Variants in KIFC1 observed in about 807,000 individuals in gnomAD.
KIFC1 encodes the protein kinesin-like protein KIFC1.
Under a neutral mutation model 66.6 loss-of-function variants are expected in KIFC1, and 37 were observed. The observed-to-expected ratio is 0.56, with a 90% CI of 0.43 to 0.73. KIFC1 has a LOEUF of 0.73. Among genes scored for constraint, KIFC1 ranks in the 30% least tolerant of loss-of-function variants. KIFC1 has a pLI of 0.00. For missense variants in KIFC1, 721 were observed against 859.8 expected, an observed-to-expected ratio of 0.84 and a Z score of 2.02; for synonymous variants, 325 against 343.5, an observed-to-expected ratio of 0.95 and a Z score of 0.60.
intron 1 of KIFC1, among the ~76,000 whole-genome samples, chr6:33,395,950 C>T (rs1460994599): frequency 6.6e-6 from 1 of 152,080 alleles, no homozygotes; most frequent in Non-Finnish European, 1.5e-5. Context: ...AGTATTGCCC[C>T]ACTGATGAAC....
Position 33,405,887 on chromosome 6 carries a change from C to T in KIFC1, c.1536+256C>T, listed in dbSNP as rs368038205. 2.0e-5 allele frequency among the ~76,000 whole-genome samples: 3 copies of T among 152,234 alleles called. No individual in the cohort carries two copies. In the East Asian group the frequency reaches 5.8e-4, roughly 29 times the overall value. On this transcript the variant is annotated intron_variant, in intron 7 of 10. Coordinates refer to ENST00000428849, the MANE Select transcript of KIFC1 (RefSeq NM_002263.4). This position sits in a 1 kb window ranked among gnomAD's most constrained non-coding sequence, Gnocchi z 5.4. ...TGTCTCATCTTCTTGCTCAGCTCAT[C>T]CTAGCCATGCTGGCCTCCTGGCTGT...
At chr6:33,407,423 C>CA (rs1438280008) in intron 10 of KIFC1, among the ~76,000 whole-genome samples, 1 of 152,066 alleles carries the variant, frequency 6.6e-6, no homozygotes. Flanking sequence ...AACCAACACA[C>CA]AAAAAATCCC....
In KIFC1 at chr6:33,405,132, C is replaced by A. The variant is rs548622183; in HGVS notation, c.1037C>A (p.Thr346Asn). Residue 346 changes from threonine to asparagine, a missense_variant, in exon 7 of 11, where the codon ACC (threonine) becomes AAC (asparagine). Transcript: ENST00000428849. The surrounding 1 kb of genome is among the most constrained non-coding windows in gnomAD (Gnocchi z 5.4). ...CCTGGTGGGCCCTCTGATCCTCCAA[C>A]CCGCCTTAGCCTCTCCCGGTCTGAC... ...SGPGGPSDPP[T>N]RLSLSRSDER... The A allele has an allele frequency of 6.2e-7, 1 of 1,614,168 alleles. No individual in the cohort carries two copies. Among genetic ancestry groups the A allele is most frequent in the East Asian group, 2.2e-5 (1 of 44,876 alleles).
rs142126889 is a variant in KIFC1 at position 33,399,178 on chromosome 6, C to T, written c.250+791C>T. Among the ~76,000 whole-genome samples the T allele has an allele frequency of 5.1e-3, 769 of 152,090 alleles. 2 individuals carry two copies. Among genetic ancestry groups the T allele is most frequent in the Non-Finnish European group, 8.1e-3 (548 of 67,996 alleles). On this transcript the variant is annotated intron_variant, in intron 3 of 10. Coordinates refer to ENST00000428849, the MANE Select transcript of KIFC1 (RefSeq NM_002263.4). ...CAAGGTGTGTAGATTACCTGAGGTC[C>T]GGAGTTCCAGACCAGCCTGGCCAAT...
In KIFC1 at chr6:33,391,888, C is replaced by G; in HGVS notation, c.-98C>G. ...GCCGGAGCCGTGCGAGTTCTCTACC[C>G]TGCTTCGCGAGCGGGCGAGAGAACG... On this transcript the variant is annotated 5_prime_UTR_variant, in exon 1 of 11. Transcript: ENST00000428849. The G allele has an allele frequency of 1.3e-6, 2 of 1,484,288 alleles. No homozygotes were observed. The highest frequency in any genetic ancestry group is 1.2e-5 in the South Asian group (1 of 86,160). 91.9% of individuals were successfully genotyped at this position (1,484,288 alleles called of 1,614,324 possible).
intron 1 of KIFC1, among the ~76,000 whole-genome samples, chr6:33,394,961 TAAG>T (rs139995317): frequency 0.011 from 1,685 of 152,094 alleles, 19 homozygotes; most frequent in African/African-American, 0.02. Context: ...GCCAGTGAGG[TAAG>T]AAAGAGTGGT....
chr6:33,404,702 T>G lies in KIFC1; in HGVS notation c.757-150T>G. ...AGCACTCCCTGTCTTAGTACCATGA[T>G]TCCTTATTTTCTCATCTTTCTTTGT... is the stretch of plus-strand genomic sequence containing the variant. On this transcript the variant is annotated intron_variant, in intron 6 of 10. Transcript: ENST00000428849. The surrounding 1 kb of genome is among the most constrained non-coding windows in gnomAD (Gnocchi z 4.0). 1.5e-6 allele frequency: 1 copy of G among 684,696 alleles called. No homozygotes were observed. The highest frequency in any genetic ancestry group is 2.5e-6 in the Non-Finnish European group (1 of 404,698). 42.4% of individuals were successfully genotyped at this position (684,696 alleles called of 1,614,324 possible).
At position 33,409,773 on chromosome 6, in the gene KIFC1, G is replaced by C; in HGVS notation, c.*83G>C. On this transcript the variant is annotated 3_prime_UTR_variant, in exon 11 of 11. Transcript: ENST00000428849. ...TGTGTGTCCCTATGTCTATGTATCG[G>C]GTGAGGGGTGGGAGGGTTGCTGGAG... The C allele has an allele frequency of 7.1e-7, 1 of 1,415,116 alleles. No individual in the cohort carries two copies. The highest frequency in any genetic ancestry group is 9.8e-7 in the Non-Finnish European group (1 of 1,020,910). 87.7% of individuals were successfully genotyped at this position (1,415,116 alleles called of 1,614,324 possible). A position where few individuals can be genotyped will look rare whatever the true frequency, so the allele number is the denominator to read the frequency against.
rs897454649 is a variant in KIFC1 at position 33,406,003 on chromosome 6, T to C, written c.1537-193T>C. On this transcript the variant is annotated intron_variant, in intron 7 of 10. Transcript: ENST00000428849. The surrounding 1 kb of genome is among the most constrained non-coding windows in gnomAD (Gnocchi z 4.5). ...TTGGCTATCCTGTCAAAACTTGTGT[T>C]CCCCACCCCGCCTTTATACACTCCC... Among the ~76,000 whole-genome samples, 4 of 152,016 alleles carry C rather than the reference T, an allele frequency of 2.6e-5. No homozygotes were observed. The South Asian group carries it at 8.3e-4, about 32-fold the overall frequency.
In KIFC1 at chr6:33,398,377, C is replaced by T; in HGVS notation, c.240C>T (p.Gly80=). 6.2e-7 allele frequency: 1 copy of T among 1,613,244 alleles called. No individual in the cohort carries two copies. The highest frequency in any genetic ancestry group is 1.1e-5 in the South Asian group (1 of 91,064). ...PSLTTVPQTQ[G]QTTAQKVSKK... ...TCACTACAGTGCCACAGACACAAGGCCAGACCACAGGTGGGCTCTCAGGAT... is the reference window on the plus strand; with the variant it reads ...TCACTACAGTGCCACAGACACAAGGTCAGACCACAGGTGGGCTCTCAGGAT... The change falls in exon 3 of 11, where the codon GGC becomes GGT. Residue 80 remains glycine (G), a synonymous_variant. Coordinates refer to ENST00000428849, the MANE Select transcript of KIFC1 (RefSeq NM_002263.4).
chr6:33,407,067 T>G, intron 10 of KIFC1, 192 bp downstream of exon 10: 1 of 1,412,678 alleles, frequency 7.1e-7, no homozygotes, highest in Non-Finnish European at 9.2e-7. Flanking sequence ...AACGGGTGAT[T>G]AATTTAACCT....
chr6:33,403,963 C>T lies in KIFC1; in HGVS notation c.590C>T (p.Ala197Val). 6.2e-7 allele frequency: 1 copy of T among 1,614,214 alleles called. No homozygotes were observed. Among genetic ancestry groups the T allele is most frequent in the Non-Finnish European group, 8.5e-7 (1 of 1,180,034 alleles). The change falls in exon 6 of 11, where the codon GCC becomes GTC. Residue 197 changes from alanine (A) to valine (V), a missense_variant. By Grantham distance (64) the Ala-to-Val change is moderately conservative. Coordinates refer to ENST00000428849, the MANE Select transcript of KIFC1 (RefSeq NM_002263.4). This position sits in a 1 kb window ranked among gnomAD's most constrained non-coding sequence, Gnocchi z 4.6. ...TLEGHLAKVQ[A>V]QAEQGQQELK... The stretch of plus-strand genomic sequence containing the variant: ...GAGGGGCATTTAGCCAAGGTACAGG[C>T]CCAGGCTGAGCAGGGCCAACAGGAG...
Position 33,406,492 on chromosome 6 carries a change from A to G in KIFC1, c.1827+6A>G, listed in dbSNP as rs771742050. ...TCATGGCCCTGAGCAACAAGGTGGG[A>G]ATGGGAGTGGGGTGAGATACGGGAC... On this transcript the variant is annotated splice_donor_region_variant and intron_variant, in intron 8 of 10. Coordinates refer to ENST00000428849, the MANE Select transcript of KIFC1 (RefSeq NM_002263.4). The surrounding 1 kb of genome is among the most constrained non-coding windows in gnomAD (Gnocchi z 4.5). 9 of 1,601,380 alleles carry G rather than the reference A, an allele frequency of 5.6e-6. No homozygotes were observed. In the East Asian group the frequency reaches 2.0e-4, roughly 36 times the overall value.
In KIFC1 at chr6:33,405,618, C is replaced by G. The variant is rs748456384; in HGVS notation, c.1523C>G (p.Ser508Cys). ...ACCAATGCTCGATATGTCCCTGTCTCCTGTGAGAAAGAAGTGAGGACCCAT... is the reference window on the plus strand; with the variant it reads ...ACCAATGCTCGATATGTCCCTGTCTGCTGTGAGAAAGAAGTGAGGACCCAT... ...TVTNARYVPV[S>C]CEKEVDALLH... Residue 508 changes from serine to cysteine, a missense_variant, in exon 7 of 11, where the codon TCC (serine) becomes TGC (cysteine). By Grantham distance (112) the Ser-to-Cys change is moderately radical (BLOSUM62 -1). Coordinates refer to ENST00000428849, the MANE Select transcript of KIFC1 (RefSeq NM_002263.4). This position sits in a 1 kb window ranked among gnomAD's most constrained non-coding sequence, Gnocchi z 5.4. 6.6e-7 allele frequency: 1 copy of G among 1,513,986 alleles called. No individual in the cohort carries two copies. Among genetic ancestry groups the G allele is most frequent in the Admixed American group, 2.1e-5 (1 of 47,166 alleles). 93.8% of individuals were successfully genotyped at this position (1,513,986 alleles called of 1,614,324 possible). A position where few individuals can be genotyped will look rare whatever the true frequency, so the allele number is the denominator to read the frequency against.
At position 33,406,993 on chromosome 6, in the gene KIFC1, A is replaced by G. The variant is rs1288455473; in HGVS notation, c.1977+118A>G. On this transcript the variant is annotated intron_variant, in intron 10 of 10. Coordinates refer to ENST00000428849, the MANE Select transcript of KIFC1 (RefSeq NM_002263.4). This position sits in a 1 kb window ranked among gnomAD's most constrained non-coding sequence, Gnocchi z 4.5. ...ATTTGTGCAGAAAGGTTTTGCAGGT[A>G]TCTGAGGCACTGCTCACCTGGTTCC... 2 of 1,493,970 alleles carry G rather than the reference A, an allele frequency of 1.3e-6. No homozygotes were observed. The highest frequency in any genetic ancestry group is 2.8e-5 in the African/African-American group (2 of 71,032). The allele number at this position is 1,493,970 out of a possible 1,614,324, so 92.5% of individuals were successfully genotyped here. A position where few individuals can be genotyped will look rare whatever the true frequency, so the allele number is the denominator to read the frequency against.
At chr6:33,407,880 C>T (rs1014483415) in intron 10 of KIFC1, among the ~76,000 whole-genome samples, 1 of 152,194 alleles carries the variant, frequency 6.6e-6, no homozygotes, top group Non-Finnish European at 1.5e-5. Context: ...GCGCGTATAG[C>T]CCTTTGATGG....
chr6:33,397,981 G>A (rs1401019256), intron 1 of KIFC1, 48 bp from the exon 2 acceptor site: 1 of 1,601,922 alleles, frequency 6.2e-7, no homozygotes, highest in Non-Finnish European at 8.5e-7. Flanking sequence ...AAGTTCTTGG[G>A]ACATTTGGGC....
chr6:33,396,396 G>A (rs182324877), intron 1 of KIFC1, among the ~76,000 whole-genome samples: 28 of 149,488 alleles, frequency 1.9e-4, no homozygotes, highest in African/African-American at 5.4e-4. Context: ...TCAGATCTCT[G>A]TGTTATTTCT....
rs1168705812 is a variant in KIFC1, at chr6:33,406,135, A to G, written c.1537-61A>G. The G allele has an allele frequency of 1.4e-6, 2 of 1,451,206 alleles. No individual in the cohort carries two copies. Among genetic ancestry groups the G allele is most frequent in the Non-Finnish European group, 1.9e-6 (2 of 1,069,020 alleles). The allele number at this position is 1,451,206 out of a possible 1,614,324, so 89.9% of individuals were successfully genotyped here. On this transcript the variant is annotated intron_variant, in intron 7 of 10. Coordinates refer to ENST00000428849, the MANE Select transcript of KIFC1 (RefSeq NM_002263.4). The surrounding 1 kb of genome is among the most constrained non-coding windows in gnomAD (Gnocchi z 4.5). ...TGGGGGTGGGCTCTTATTCATTTCCATACATATTACTATGTACTGACTTCT... is the reference window on the plus strand; with the variant it reads ...TGGGGGTGGGCTCTTATTCATTTCCGTACATATTACTATGTACTGACTTCT...
Sources: allele counts gnomAD v4.1 joint callset (sites outside exome capture counted in the v4.1 genomes callset), GRCh38; gene constraint gnomAD v4.1.1; non-coding constraint Gnocchi (gnomAD v3.1); transcripts MANE v1.5; gene names NCBI Gene and HGNC (gene_info 2026-07-23, HGNC 2026-07-21).